Variants in GRID2 observed in about 807,000 individuals in gnomAD.
GRID2 encodes the protein glutamate ionotropic receptor delta type subunit 2.
In GRID2, 33 loss-of-function variants were observed where a neutral mutation model predicts 114.8. That is an observed-to-expected ratio of 0.29 (90% CI 0.22 to 0.38). GRID2 has a LOEUF of 0.38. GRID2 is among the 10% of genes least tolerant of loss of function. The probability of loss-of-function intolerance (pLI) is 1.00; values close to 1 mark genes in which losing one functional copy is unlikely to be tolerated. For missense variants in GRID2, 1,184 were observed against 1,257.7 expected (o/e 0.94, Z 0.89); for synonymous variants, 505 against 449.9 (o/e 1.12, Z -1.55).
At chr4:92,423,707 T>C (rs1560620752) in intron 1 of GRID2, among the ~76,000 whole-genome samples, 1 of 152,070 alleles carries the variant, frequency 6.6e-6, no homozygotes, top group Non-Finnish European at 1.5e-5. Context: ...AATAATACTT[T>C]TGGCACTCCA....
intron 3 of GRID2, among the ~76,000 whole-genome samples, chr4:93,101,503 G>T (rs1240624071): frequency 1.3e-5 from 2 of 151,976 alleles, no homozygotes; most frequent in East Asian, 3.9e-4. Flanking sequence ...AGAAATATCT[G>T]CTTAGATGCT....
chr4:92,667,508 C>T (rs1168540870), intron 2 of GRID2, among the ~76,000 whole-genome samples: 1 of 151,578 alleles, frequency 6.6e-6, no homozygotes, highest in Non-Finnish European at 1.5e-5. Context: ...ACTACATTTA[C>T]TATTTTCTGT....
At chr4:93,096,330 A>G (rs1731223385) in intron 3 of GRID2, among the ~76,000 whole-genome samples, 2 of 152,028 alleles carry the variant, frequency 1.3e-5, no homozygotes, top group African/African-American at 4.8e-5. Context: ...TAGGTACCAA[A>G]AAGAACATTT....
intron 4 of GRID2, among the ~76,000 whole-genome samples, chr4:93,177,004 T>C (rs549185466): frequency 5.6e-4 from 86 of 152,294 alleles, no homozygotes; most frequent in African/African-American, 2.0e-3. Context: ...AATACAAGTA[T>C]GTAAGTTCTC....
rs1738883278 is a variant in GRID2, at chr4:92,777,805, T to G, written c.244+187519T>G. ...ATCTGCAAGCTGAGGGGAAAGGCCT[T>G]GGGAGAAACCAACCCTGCCAACACC... is the stretch of plus-strand genomic sequence containing the variant. On this transcript the variant is annotated intron_variant, in intron 2 of 15. Transcript: ENST00000282020. Among the ~76,000 whole-genome samples, 3 of 151,628 alleles carry G rather than the reference T, an allele frequency of 2.0e-5. No individual in the cohort carries two copies. In the South Asian group the frequency reaches 6.3e-4, roughly 32 times the overall value.
At chr4:92,510,607 C>A (rs150617477) in intron 1 of GRID2, among the ~76,000 whole-genome samples, 27 of 151,540 alleles carry the variant, frequency 1.8e-4, no homozygotes, top group African/African-American at 6.5e-4. Flanking sequence ...AGGGTGAGTA[C>A]AAAGTTACAA....
intron 8 of GRID2, among the ~76,000 whole-genome samples, chr4:93,362,215 C>T (rs1239043834): frequency 6.6e-6 from 1 of 152,098 alleles, no homozygotes; most frequent in Non-Finnish European, 1.5e-5. Flanking sequence ...GCCTGTGCCT[C>T]AGTGAGTATA....
intron 13 of GRID2, among the ~76,000 whole-genome samples, chr4:93,570,625 GT>G (rs1322186535): frequency 4.6e-5 from 7 of 152,208 alleles, no homozygotes; most frequent in Admixed American, 1.3e-4. Flanking sequence ...CTTACATTAT[GT>G]ACATTTCAGA....
intron 10 of GRID2, among the ~76,000 whole-genome samples, chr4:93,444,816 GA>G (rs562610291): frequency 4.5e-4 from 69 of 151,966 alleles, no homozygotes; most frequent in Non-Finnish European, 3.4e-4. Flanking sequence ...AAGGTTTATG[GA>G]AAAAATGTAC....
chr4:92,962,036 G>A (rs778662691), intron 2 of GRID2, among the ~76,000 whole-genome samples: 11 of 151,608 alleles, frequency 7.3e-5, no homozygotes, highest in African/African-American at 1.7e-4. Flanking sequence ...GAGAATTTCC[G>A]TCTCTCTGCC....
chr4:92,540,033 C>G (rs1385980182), intron 1 of GRID2, among the ~76,000 whole-genome samples: 1 of 152,062 alleles, frequency 6.6e-6, no homozygotes, highest in Non-Finnish European at 1.5e-5. Flanking sequence ...CTGACAAAAA[C>G]AAGAAATGGG....
At chr4:93,315,924 C>G (rs1256951504) in intron 8 of GRID2, among the ~76,000 whole-genome samples, 1 of 152,094 alleles carries the variant, frequency 6.6e-6, no homozygotes, top group African/African-American at 2.4e-5. Flanking sequence ...CTAGTAACTA[C>G]TTGCATATTG....
rs1285129338 is a variant in GRID2 at position 93,490,794 on chromosome 4, T to C, written c.1997+17T>C. Reference sequence around the variant, plus strand: ...TTCCATCCAGTAAGTAAACAATGTTTCCATTAGCCACAAAATATGAGAAAT... The same window carrying C: ...TTCCATCCAGTAAGTAAACAATGTTCCCATTAGCCACAAAATATGAGAAAT... On this transcript the variant is annotated intron_variant, in intron 12 of 15. Coordinates refer to ENST00000282020, the MANE Select transcript of GRID2 (RefSeq NM_001510.4). 1 of 1,574,702 alleles carries C rather than the reference T, an allele frequency of 6.4e-7. No individual in the cohort carries two copies. The highest frequency in any genetic ancestry group is 8.7e-7 in the Non-Finnish European group (1 of 1,147,254).
At chr4:93,172,125 C>T (rs1057165402) in intron 4 of GRID2, among the ~76,000 whole-genome samples, 1 of 152,182 alleles carries the variant, frequency 6.6e-6, no homozygotes, top group East Asian at 1.9e-4. Context: ...AGTTTAAAAA[C>T]ATATACCACA....
At chr4:92,450,287 G>A (rs1207252360) in intron 1 of GRID2, among the ~76,000 whole-genome samples, 5 of 152,130 alleles carry the variant, frequency 3.3e-5, no homozygotes, top group South Asian at 4.1e-4. Context: ...ATTTCCTGAA[G>A]TAGAATGCAG....
At chr4:93,131,238 C>A (rs1385699345) in intron 4 of GRID2, among the ~76,000 whole-genome samples, 2 of 148,104 alleles carry the variant, frequency 1.4e-5, no homozygotes, top group Admixed American at 1.4e-4. Flanking sequence ...ACTGCAACCT[C>A]CACCTCCCAG....
chr4:92,625,150 A>C (rs1325983056), intron 2 of GRID2, among the ~76,000 whole-genome samples: 1 of 151,786 alleles, frequency 6.6e-6, no homozygotes, highest in African/African-American at 2.4e-5. Flanking sequence ...AGTTATCTTG[A>C]TTCCTGAGAG....
At chr4:93,367,332 A>T (rs1000713063) in intron 8 of GRID2, among the ~76,000 whole-genome samples, 1 of 151,838 alleles carries the variant, frequency 6.6e-6, no homozygotes, top group African/African-American at 2.4e-5. Flanking sequence ...TGCCATCATC[A>T]AATTTAGTTG....
intron 1 of GRID2, among the ~76,000 whole-genome samples, chr4:93,783,610 G>A (rs1419264027): frequency 1.3e-5 from 2 of 152,130 alleles, no homozygotes; most frequent in African/African-American, 2.4e-5. Flanking sequence ...AACACAAACA[G>A]ATTCAGAGAA....
Sources: gnomAD v4.1 joint callset for allele counts (sites outside exome capture counted in the v4.1 genomes callset) on GRCh38, gnomAD v4.1.1 for gene constraint, MANE v1.5 for transcripts, NCBI Gene and HGNC (gene_info 2026-07-23, HGNC 2026-07-21) for gene names.